Variants in GULP1 observed in about 807,000 individuals in gnomAD.
The protein encoded by GULP1 is GULP PTB domain containing engulfment adaptor 1.
GULP1 carries 19 observed loss-of-function variants against 40.9 expected under a neutral mutation model. That is an observed-to-expected ratio of 0.46 (90% confidence interval 0.32 to 0.68). The LOEUF (loss-of-function observed/expected upper bound fraction) is 0.68, where lower values mean the gene tolerates loss of function less well. Ranked by LOEUF, GULP1 falls within the 30% of genes least tolerant of loss-of-function variation. The probability of loss-of-function intolerance (pLI) is 0.03; values close to 1 mark genes in which losing one functional copy is unlikely to be tolerated. For synonymous variants in GULP1, 119 were observed against 117.6 expected (o/e 1.01, Z -0.08); for missense variants, 312 against 362.2 (o/e 0.86, Z 1.12).
chr2:188,322,336 T>C (rs2040108430), intron 1 of GULP1, among the ~76,000 whole-genome samples: 1 of 152,032 alleles, frequency 6.6e-6, no homozygotes, highest in South Asian at 2.1e-4. Context: ...AGGTTGGCAT[T>C]GGCTGCTAGG....
chr2:188,458,494 A>G (rs775016258), intron 2 of GULP1, among the ~76,000 whole-genome samples: 1 of 152,110 alleles, frequency 6.6e-6, no homozygotes, highest in Non-Finnish European at 1.5e-5. Context: ...TGAAAATACA[A>G]TGCAAAAGTC....
intron 2 of GULP1, among the ~76,000 whole-genome samples, chr2:188,432,408 T>A (rs1203011731): frequency 6.6e-6 from 1 of 152,022 alleles, no homozygotes; most frequent in East Asian, 1.9e-4. Flanking sequence ...ATTTTTTTTT[T>A]AGTCTGTGAC....
chr2:188,401,218 A>G (rs935033079), intron 2 of GULP1, among the ~76,000 whole-genome samples: 4 of 152,146 alleles, frequency 2.6e-5, no homozygotes, highest in Non-Finnish European at 5.9e-5. Context: ...AAATAATGAC[A>G]TATAGAAATA....
At chr2:188,538,965 T>C (rs943115393) in intron 6 of GULP1, among the ~76,000 whole-genome samples, 11 of 152,104 alleles carry the variant, frequency 7.2e-5, no homozygotes, top group African/African-American at 2.7e-4. Flanking sequence ...TAATCTAACA[T>C]GGACTGTCTT....
intron 1 of GULP1, among the ~76,000 whole-genome samples, chr2:188,325,016 C>G (rs1445278497): frequency 2.0e-5 from 3 of 151,888 alleles, no homozygotes; most frequent in Non-Finnish European, 2.9e-5. Flanking sequence ...AAGATATTTT[C>G]AGACACATAC....
intron 1 of GULP1, among the ~76,000 whole-genome samples, chr2:188,307,063 A>G (rs1331410974): frequency 6.6e-6 from 1 of 152,220 alleles, no homozygotes; most frequent in African/African-American, 2.4e-5. Context: ...CAGAATAAAT[A>G]CAATAGAAGC....
rs2041678967 is a variant in GULP1 at position 188,332,162 on chromosome 2, A to G, written c.-172+39996A>G. Among the ~76,000 whole-genome samples the G allele has an allele frequency of 2.0e-5, 3 of 151,310 alleles. No homozygotes were observed. The Admixed American group carries it at 2.0e-4, about 10-fold the overall frequency. ...TAATAGTCATCTCATTATTCAGTAC[A>G]AGGCCATTCCATCGGTCATTTCTTT... On this transcript the variant is annotated intron_variant, in intron 1 of 11. Transcript: ENST00000409830.
intron 2 of GULP1, among the ~76,000 whole-genome samples, chr2:188,394,116 G>C (rs537867271): frequency 4.0e-5 from 6 of 151,808 alleles, no homozygotes; most frequent in Admixed American, 3.9e-4. Context: ...CTCAAAATAA[G>C]TTTTCCAAGC....
chr2:188,561,793 C>G (rs1046808604), intron 7 of GULP1, among the ~76,000 whole-genome samples: 2 of 152,130 alleles, frequency 1.3e-5, no homozygotes, highest in Admixed American at 1.3e-4. Context: ...GCACATCATT[C>G]TCATGGCCCA....
intron 2 of GULP1, among the ~76,000 whole-genome samples, chr2:188,416,711 T>A (rs1483325910): frequency 6.6e-6 from 1 of 152,188 alleles, no homozygotes; most frequent in African/African-American, 2.4e-5. Flanking sequence ...CTGTCTGTGA[T>A]AATTTAGAGA....
chr2:188,556,744 A>G (rs1380942914), intron 7 of GULP1, among the ~76,000 whole-genome samples: 1 of 152,182 alleles, frequency 6.6e-6, no homozygotes, highest in Non-Finnish European at 1.5e-5. Context: ...TTAGAAATCT[A>G]CTACCACGTT....
intron 2 of GULP1, among the ~76,000 whole-genome samples, chr2:188,464,649 A>T (rs959147318): frequency 1.3e-5 from 2 of 152,154 alleles, no homozygotes; most frequent in African/African-American, 2.4e-5. Flanking sequence ...GGAGCCAGGG[A>T]CTAGAGTCAG....
intron 4 of GULP1, among the ~76,000 whole-genome samples, chr2:188,514,494 G>T (rs899465308): frequency 6.6e-6 from 1 of 152,002 alleles, no homozygotes; most frequent in Non-Finnish European, 1.5e-5. Context: ...CTTTAAGTAA[G>T]AAAAAAATGC....
chr2:188,299,351 CAAAG>C (rs1257728093), intron 1 of GULP1, among the ~76,000 whole-genome samples: 2 of 152,118 alleles, frequency 1.3e-5, no homozygotes, highest in African/African-American at 4.8e-5. Context: ...AAATGGAAAA[CAAAG>C]AACAGGGAAG....
At position 188,435,439 on chromosome 2, in the gene GULP1, A is replaced by C. The variant is rs1174086986; in HGVS notation, c.-44-42220A>C. On this transcript the variant is annotated intron_variant, in intron 2 of 11. Coordinates refer to ENST00000409830, the MANE Select transcript of GULP1 (RefSeq NM_016315.4). ...CTACCATGAGTGTCTTCTGACTATT[A>C]ATGGCTTACTCTCACTCAATTCCAT... 2.0e-5 allele frequency among the ~76,000 whole-genome samples: 3 copies of C among 152,020 alleles called. No individual in the cohort carries two copies. In the East Asian group the frequency reaches 5.8e-4, roughly 29 times the overall value.
intron 1 of GULP1, among the ~76,000 whole-genome samples, chr2:188,361,515 A>C (rs1261816507): frequency 1.3e-5 from 2 of 152,078 alleles, no homozygotes; most frequent in Non-Finnish European, 2.9e-5. Flanking sequence ...TATGCGTGGA[A>C]ATGATGTGAT....
At chr2:188,304,233 A>G (rs72905596) in intron 1 of GULP1, among the ~76,000 whole-genome samples, 1 of 152,180 alleles carries the variant, frequency 6.6e-6, no homozygotes, top group African/African-American at 2.4e-5. Flanking sequence ...CAGATAAAGT[A>G]AAAATAGCAC....
chr2:188,355,886 C>G (rs1559144239), intron 1 of GULP1, among the ~76,000 whole-genome samples: 1 of 151,958 alleles, frequency 6.6e-6, no homozygotes, highest in Non-Finnish European at 1.5e-5. Flanking sequence ...TCAATATAAT[C>G]AAATCAATAT....
At chr2:188,368,192 A>T (rs900103721) in intron 1 of GULP1, among the ~76,000 whole-genome samples, 1 of 152,192 alleles carries the variant, frequency 6.6e-6, no homozygotes, top group African/African-American at 2.4e-5. Flanking sequence ...TAATCTAGAA[A>T]AAAGGTCTGG....
Sources: gnomAD v4.1 joint callset for allele counts (sites outside exome capture counted in the v4.1 genomes callset) on GRCh38, gnomAD v4.1.1 for gene constraint, MANE v1.5 for transcripts, NCBI Gene and HGNC (gene_info 2026-07-23, HGNC 2026-07-21) for gene names.